SNRK: variants seen among roughly 807,000 people sequenced by gnomAD.
The protein encoded by SNRK is SNF related kinase.
A neutral mutation model predicts 48.2 loss-of-function variants in SNRK; 3 were observed. The ratio of observed to expected loss-of-function variants is 0.06; its 90% confidence interval spans 0.03 to 0.16. The LOEUF is 0.16. Among genes scored for constraint, SNRK ranks in the 10% least tolerant of loss-of-function variants. The probability of loss-of-function intolerance (pLI) is 1.00; values close to 1 mark genes in which losing one functional copy is unlikely to be tolerated. For missense variants in SNRK, 627 were observed against 976.0 expected, an observed-to-expected ratio of 0.64 and a Z score of 4.76; for synonymous variants, 376 against 366.1, an observed-to-expected ratio of 1.03 and a Z score of -0.31.
Position 43,303,211 on chromosome 3 carries a change from G to A in SNRK, c.8G>A (p.Gly3Glu), listed in dbSNP as rs1324272178. 6.2e-7 allele frequency: 1 copy of A among 1,611,934 alleles called. No homozygotes were observed. Among genetic ancestry groups the A allele is most frequent in the Non-Finnish European group, 8.5e-7 (1 of 1,178,282 alleles). ...TTCTTCTGTTGGACCAGCATGGCAG[G>A]ATTTAAGCGAGGGTATGATGGAAAG... MA[G>E]FKRGYDGKIA... is the part of the protein sequence containing the mutation. Residue 3 changes from glycine (G) to glutamate (E), a missense_variant, in exon 3 of 7, where the codon GGA becomes GAA. Physicochemically the swap from Gly to Glu is moderately conservative, Grantham distance 98. Coordinates refer to ENST00000296088, the MANE Select transcript of SNRK (RefSeq NM_017719.5). The surrounding 1 kb of genome is among the most constrained non-coding windows in gnomAD (Gnocchi z 6.2).
At chr3:43,287,562 C>A (rs1575526497) in intron 1 of SNRK, among the ~76,000 whole-genome samples, 1 of 152,162 alleles carries the variant, frequency 6.6e-6, no homozygotes, top group Admixed American at 6.5e-5. Context: ...TTTCCACCCC[C>A]CTTCCCTTTA....
At chr3:43,307,006 A>G (rs2090942824) in intron 3 of SNRK, among the ~76,000 whole-genome samples, 2 of 152,170 alleles carry the variant, frequency 1.3e-5, no homozygotes, top group Admixed American at 1.3e-4. Context: ...TGTGATTAAA[A>G]TATTTGTATA....
At chr3:43,345,957 A>C (rs116164853) in intron 6 of SNRK, among the ~76,000 whole-genome samples, 7,049 of 152,230 alleles carry the variant, frequency 0.046, 271 homozygotes, top group South Asian at 0.1. Flanking sequence ...TCTAATTGAG[A>C]ACTCTTAGGA....
In SNRK at chr3:43,287,147, A is replaced by G. The variant is rs377219137; in HGVS notation, c.-169+472A>G. Among the ~76,000 whole-genome samples the G allele has an allele frequency of 2.6e-5, 4 of 152,202 alleles. No homozygotes were observed. In the East Asian group the frequency reaches 5.8e-4, roughly 22 times the overall value. ...AAGACTGTAGAAATCCGGCCTCAGC[A>G]AAAGGGTTCCGTGGTCAAACTGCTT... On this transcript the variant is annotated intron_variant, in intron 1 of 6. Coordinates refer to ENST00000296088, the MANE Select transcript of SNRK (RefSeq NM_017719.5).
chr3:43,336,446 C>T (rs561829399), intron 4 of SNRK, among the ~76,000 whole-genome samples: 1 of 152,244 alleles, frequency 6.6e-6, no homozygotes, highest in African/African-American at 2.4e-5. Context: ...ATTGTCCTGC[C>T]TCAGTCTCCT....
chr3:43,335,944 GT>G (rs897745866), intron 4 of SNRK, among the ~76,000 whole-genome samples: 9 of 152,070 alleles, frequency 5.9e-5, no homozygotes, highest in East Asian at 3.9e-4. Context: ...CATTGTCCTG[GT>G]TTTAAATACA....
chr3:43,302,733 T>A (rs1324565455), intron 2 of SNRK, among the ~76,000 whole-genome samples: 1 of 152,074 alleles, frequency 6.6e-6, no homozygotes, highest in Non-Finnish European at 1.5e-5. Flanking sequence ...ATTCTTTGTG[T>A]TTTCCCTTGT....
chr3:43,303,804 C>T lies in SNRK; in HGVS notation c.589+12C>T, dbSNP rs547972540. The stretch of plus-strand genomic sequence containing the variant: ...TGCACCTGCAGTAGGTAGGTAACCT[C>T]GGTCCAGTATTTGGCCATTTGAATT... On this transcript the variant is annotated intron_variant, in intron 3 of 6. Transcript: ENST00000296088. This position sits in a 1 kb window ranked among gnomAD's most constrained non-coding sequence, Gnocchi z 6.2. 1.2e-5 allele frequency: 19 copies of T among 1,576,076 alleles called. No homozygotes were observed. The South Asian group carries it at 1.6e-4, about 13-fold the overall frequency.
At position 43,297,993 on chromosome 3, in the gene SNRK, AAG is replaced by A. The variant is rs2090869616; in HGVS notation, c.-168-1759_-168-1758del. 2.0e-5 allele frequency among the ~76,000 whole-genome samples: 3 copies of A among 152,224 alleles called. No homozygotes were observed. The South Asian group carries it at 6.2e-4, about 32-fold the overall frequency. Reference sequence around the variant, plus strand: ...CGCTTGAAGTAGGGTCAGCAACTGAAAGAATTTCTGCTTGGATGGTGGGAACG... The same window carrying A: ...CGCTTGAAGTAGGGTCAGCAACTGAAAATTTCTGCTTGGATGGTGGGAACG... On this transcript the variant is annotated intron_variant, in intron 1 of 6. Coordinates refer to ENST00000296088, the MANE Select transcript of SNRK (RefSeq NM_017719.5).
At chr3:43,309,727 G>A (rs183976400) in intron 3 of SNRK, among the ~76,000 whole-genome samples, 3 of 151,432 alleles carry the variant, frequency 2.0e-5, no homozygotes, top group East Asian at 3.9e-4. Flanking sequence ...AGCAATCCTC[G>A]CACTTCAGCC....
intron 6 of SNRK, 151 bp downstream of exon 6, chr3:43,343,629 A>G (rs1010227550): frequency 1.9e-5 from 16 of 852,320 alleles, no homozygotes; most frequent in Admixed American, 2.9e-5. Flanking sequence ...CGGGCTCTTC[A>G]GGTGTACATG....
chr3:43,309,038 G>A (rs917142306), intron 3 of SNRK, among the ~76,000 whole-genome samples: 1 of 152,152 alleles, frequency 6.6e-6, no homozygotes, highest in African/African-American at 2.4e-5. Flanking sequence ...CATATGTGGT[G>A]GAAATAGGAA....
chr3:43,339,375 C>A (rs530798608), intron 4 of SNRK, among the ~76,000 whole-genome samples: 4 of 152,332 alleles, frequency 2.6e-5, no homozygotes, highest in African/African-American at 9.6e-5. Flanking sequence ...ATGCACCCAA[C>A]ATAGCTTGTA....
chr3:43,343,365 T>C lies in SNRK; in HGVS notation c.966T>C (p.Tyr322=). ...AIVEALETNR[Y]NHITATYFLL... ...TCAGAGCCCTGGAAACCAACAGGTA[T>C]AACCATATCACAGCCACATACTTCC... Residue 322 remains tyrosine (Y), a synonymous_variant, in exon 6 of 7, where the codon TAT becomes TAC. Coordinates refer to ENST00000296088, the MANE Select transcript of SNRK (RefSeq NM_017719.5). 3.1e-6 allele frequency: 5 copies of C among 1,614,046 alleles called. No homozygotes were observed. Among genetic ancestry groups the C allele is most frequent in the Non-Finnish European group, 4.2e-6 (5 of 1,180,016 alleles).
At chr3:43,338,004 C>G (rs1457544625) in intron 4 of SNRK, among the ~76,000 whole-genome samples, 1 of 152,198 alleles carries the variant, frequency 6.6e-6, no homozygotes, top group Non-Finnish European at 1.5e-5. Flanking sequence ...TCCGCCTCAG[C>G]CTTCCAAAGT....
intron 1 of SNRK, chr3:43,289,781 T>A (rs2090795596): frequency 6.5e-6 from 1 of 152,688 alleles, no homozygotes. Flanking sequence ...GCATTTGGCC[T>A]CTGCTCAGGT....
Position 43,350,722 on chromosome 3 carries a change from T to G in SNRK, c.*2165T>G, listed in dbSNP as rs1305844537. 2.0e-5 allele frequency: 3 copies of G among 152,668 alleles called. No homozygotes were observed. Among genetic ancestry groups the G allele is most frequent in the Non-Finnish European group, 2.9e-5 (2 of 68,050 alleles). 9.5% of individuals were successfully genotyped at this position (152,668 alleles called of 1,614,324 possible). A position where few individuals can be genotyped will look rare whatever the true frequency, so the allele number is the denominator to read the frequency against. On this transcript the variant is annotated 3_prime_UTR_variant, in exon 7 of 7. Coordinates refer to ENST00000296088, the MANE Select transcript of SNRK (RefSeq NM_017719.5). ...GGGAGGGAGCGAAAAACCATTACAT[T>G]AAGATAATATTGGACCAAACTACTT...
rs763903055 is a variant in SNRK at position 43,348,345 on chromosome 3, G to C, written c.2086G>C (p.Gly696Arg). ...KMCISSTGNA[G>R]QVPAVGGIKF... ...GTGCATTAGCTCCACAGGGAATGCA[G>C]GGCAGGTCCCTGCAGTGGGCGGCAT... Residue 696 changes from glycine (G) to arginine (R), a missense_variant, in exon 7 of 7, where the codon GGG becomes CGG. Physicochemically the swap from Gly to Arg is moderately radical, Grantham distance 125. This residue lies in a region of SNRK where 207 missense variants were observed against 234.3 expected (regional missense o/e 0.88). Transcript: ENST00000296088. 1.9e-6 allele frequency: 3 copies of C among 1,610,688 alleles called. No homozygotes were observed. The East Asian group carries it at 6.7e-5, about 36-fold the overall frequency.
chr3:43,337,637 T>TA (rs1035448613), intron 4 of SNRK, among the ~76,000 whole-genome samples: 4 of 151,932 alleles, frequency 2.6e-5, no homozygotes, highest in Non-Finnish European at 5.9e-5. Flanking sequence ...GCTGGGTAAT[T>TA]TATAGAGGAA....
Sources: gnomAD v4.1 joint callset for allele counts (sites outside exome capture counted in the v4.1 genomes callset) on GRCh38, gnomAD v4.1.1 for gene constraint, gnomAD v4.1.1 regional missense constraint, Gnocchi (gnomAD v3.1) non-coding constraint, MANE v1.5 for transcripts, NCBI Gene and HGNC (gene_info 2026-07-23, HGNC 2026-07-21) for gene names.